MAP3K20: variants seen among roughly 807,000 people sequenced by gnomAD.
MAP3K20 encodes HCCS-4.
A neutral mutation model predicts 85.7 loss-of-function variants in MAP3K20; 40 were observed. The ratio of observed to expected loss-of-function variants is 0.47; its 90% CI spans 0.36 to 0.61. The LOEUF is 0.61. Among genes scored for constraint, MAP3K20 ranks in the 20% least tolerant of loss-of-function variants. The pLI, the probability that MAP3K20 is intolerant of heterozygous loss-of-function variation, is 0.00. For synonymous variants in MAP3K20, 325 were observed against 327.7 expected (o/e 0.99, Z 0.09); for missense variants, 817 against 961.7 (o/e 0.85, Z 1.99).
chr2:173,173,264 T>C (rs968704854), intron 3 of MAP3K20, among the ~76,000 whole-genome samples: 1 of 151,576 alleles, frequency 6.6e-6, no homozygotes, highest in Non-Finnish European at 1.5e-5. Context: ...AGTTGCTGGA[T>C]ACCAGACCAT....
At chr2:173,191,236 A>C (rs895217846) in intron 7 of MAP3K20, 59 bp downstream of exon 7, 13 of 1,599,490 alleles carry the variant, frequency 8.1e-6, no homozygotes, top group Non-Finnish European at 1.1e-5. Context: ...AACACTCAAA[A>C]GAAGAGAGAT....
rs907137450 is a variant in MAP3K20, at chr2:173,156,755, C to G, written c.160-13050C>G. On this transcript the variant is annotated intron_variant, in intron 2 of 19. Transcript: ENST00000375213. ...GGTTCCTAACAGACCACTGTTGGTA[C>G]CATTACCTAAGAGATGGTCATAAGG... Among the ~76,000 whole-genome samples the G allele has an allele frequency of 3.9e-5, 6 of 152,286 alleles. No individual in the cohort carries two copies. In the South Asian group the frequency reaches 1.2e-3, roughly 32 times the overall value.
At chr2:173,197,555 G>A (rs3769164) in intron 7 of MAP3K20, among the ~76,000 whole-genome samples, 10,587 of 152,254 alleles carry the variant, frequency 0.07, 1,084 homozygotes, top group East Asian at 0.57. Context: ...GGGGTAGGTA[G>A]GTTAGCCAGT....
intron 1 of MAP3K20, chr2:173,090,475 T>G: frequency 6.9e-6 from 1 of 145,112 alleles, no homozygotes; most frequent in Non-Finnish European, 7.7e-6. Flanking sequence ...AAAGTTTGTT[T>G]TTGGAGTCAA....
At chr2:173,133,759 C>T (rs771214908) in intron 2 of MAP3K20, among the ~76,000 whole-genome samples, 5 of 151,200 alleles carry the variant, frequency 3.3e-5, no homozygotes, top group Admixed American at 6.6e-5. Flanking sequence ...TTCATGCGGG[C>T]GGATCACGAG....
chr2:173,151,498 G>A (rs1334508302), intron 2 of MAP3K20, among the ~76,000 whole-genome samples: 1 of 152,166 alleles, frequency 6.6e-6, no homozygotes, highest in Non-Finnish European at 1.5e-5. Flanking sequence ...TCTTGATTGT[G>A]ATCTTAAAGT....
chr2:173,226,816 T>G, intron 11 of MAP3K20: 1 of 983,956 alleles, frequency 1.0e-6, no homozygotes, highest in Non-Finnish European at 1.2e-6. Flanking sequence ...AATATTTATA[T>G]TCTTTGAGTG....
chr2:173,115,234 G>T (rs1317508437), intron 2 of MAP3K20, among the ~76,000 whole-genome samples: 1 of 152,100 alleles, frequency 6.6e-6, no homozygotes, highest in Non-Finnish European at 1.5e-5. Flanking sequence ...ATTTCTAAAA[G>T]TGTGTCCAAA....
chr2:173,142,649 G>T (rs1689010906), intron 2 of MAP3K20, among the ~76,000 whole-genome samples: 1 of 151,336 alleles, frequency 6.6e-6, no homozygotes, highest in East Asian at 1.9e-4. Context: ...AAACAAAAGA[G>T]GTATAGCTAA....
chr2:173,201,543 TAAAA>T (rs79502287), intron 8 of MAP3K20, among the ~76,000 whole-genome samples: 2 of 152,110 alleles, frequency 1.3e-5, no homozygotes, highest in Admixed American at 6.6e-5. Context: ...AAACTTGACT[TAAAA>T]AAAATTTTAC....
intron 1 of MAP3K20, among the ~76,000 whole-genome samples, chr2:173,077,328 T>C (rs1378679576): frequency 6.6e-6 from 1 of 151,138 alleles, no homozygotes; most frequent in Non-Finnish European, 1.5e-5. Context: ...TAATGTCCTC[T>C]TTGTAGTAGG....
chr2:173,196,827 C>T (rs1406262391), intron 7 of MAP3K20, among the ~76,000 whole-genome samples: 3 of 152,118 alleles, frequency 2.0e-5, no homozygotes, highest in Admixed American at 6.5e-5. Context: ...CAGGGCCTGT[C>T]GCATTCTCTC....
intron 17 of MAP3K20, 91 bp downstream of exon 17, chr2:173,258,906 T>C: frequency 2.4e-6 from 2 of 825,286 alleles, no homozygotes; most frequent in Non-Finnish European, 4.0e-6. Flanking sequence ...CTTTTGTGCT[T>C]GTCCATGCTC....
At chr2:173,179,741 A>ACACACAC (rs1690271318) in intron 3 of MAP3K20, among the ~76,000 whole-genome samples, 8 of 126,578 alleles carry the variant, frequency 6.3e-5, no homozygotes, top group Admixed American at 4.0e-4. Flanking sequence ...CACACACACA[A>ACACACAC]AAGCTACTAA....
intron 1 of MAP3K20, chr2:173,090,540 C>T (rs947808190): frequency 2.1e-5 from 18 of 841,664 alleles, no homozygotes; most frequent in African/African-American, 7.4e-5. Context: ...CCAGGATGCT[C>T]GGTGGCTTAG....
chr2:173,146,763 T>G (rs1174195695), intron 2 of MAP3K20, among the ~76,000 whole-genome samples: 1 of 152,196 alleles, frequency 6.6e-6, no homozygotes, highest in African/African-American at 2.4e-5. Flanking sequence ...ACTCTTTAAT[T>G]CTTTAAGTAA....
intron 2 of MAP3K20, among the ~76,000 whole-genome samples, chr2:173,146,283 G>GAACA (rs1326319746): frequency 4.0e-5 from 6 of 151,812 alleles, no homozygotes; most frequent in African/African-American, 1.2e-4. Flanking sequence ...TTGCCTTTTA[G>GAACA]AGGGATTCTC....
At chr2:173,210,672 A>C (rs1356625941) in intron 10 of MAP3K20, 2 of 152,242 alleles carry the variant, frequency 1.3e-5, no homozygotes, top group African/African-American at 4.8e-5. Context: ...ATGCATGACT[A>C]TAAATAGCAT....
At chr2:173,076,280 C>CG (rs1686858285) in intron 1 of MAP3K20, among the ~76,000 whole-genome samples, 1 of 151,942 alleles carries the variant, frequency 6.6e-6, no homozygotes, top group Non-Finnish European at 1.5e-5. Context: ...CGGGAGAGTT[C>CG]GGGCCGGTCC....
Sources: gnomAD v4.1 joint callset for allele counts (sites outside exome capture counted in the v4.1 genomes callset) on GRCh38, gnomAD v4.1.1 for gene constraint, MANE v1.5 for transcripts, NCBI Gene and HGNC (gene_info 2026-07-23, HGNC 2026-07-21) for gene names.